Variants in AFF4 observed in about 807,000 individuals in gnomAD.
AFF4 encodes AF4/FMR2 family member 4.
A neutral mutation model predicts 124.8 loss-of-function variants in AFF4; 13 were observed. That is an observed-to-expected ratio of 0.10 (90% CI 0.07 to 0.17). The LOEUF (loss-of-function observed/expected upper bound fraction) is 0.17, where lower values mean the gene tolerates loss of function less well. Ranked by LOEUF, AFF4 falls within the 10% of genes least tolerant of loss-of-function variation. The pLI is 1.00. For synonymous variants in AFF4, 477 were observed against 496.1 expected (o/e 0.96, Z 0.51); for missense variants, 1,092 against 1,403.8 (o/e 0.78, Z 3.55).
intron 1 of AFF4, chr5:132,948,502 C>G (rs1170407828): frequency 6.5e-6 from 1 of 152,874 alleles, no homozygotes; most frequent in East Asian, 1.9e-4. Context: ...TTATCATGGC[C>G]TCACAGTGAC....
chr5:132,886,223 ATAAACATGAGGGCAG>A, intron 18 of AFF4, 72 bp downstream of exon 18: 1 of 1,170,594 alleles, frequency 8.5e-7, no homozygotes, highest in South Asian at 1.4e-5. Flanking sequence ...TGTGTTTTGC[ATAAACATGAGGGCAG>A]TTCTCAGATG....
intron 5 of AFF4, among the ~76,000 whole-genome samples, chr5:132,911,353 A>T (rs1227638180): frequency 1.3e-5 from 2 of 152,134 alleles, no homozygotes; most frequent in Non-Finnish European, 2.9e-5. Context: ...CATGCCAGGA[A>T]CATAGTAAGA....
At chr5:132,912,334 T>G (rs1355893207) in intron 5 of AFF4, among the ~76,000 whole-genome samples, 2 of 152,014 alleles carry the variant, frequency 1.3e-5, no homozygotes, top group Admixed American at 6.6e-5. Flanking sequence ...AGAGCAATAC[T>G]CTGTCTCAAA....
At chr5:132,898,476 T>C in intron 9 of AFF4, 84 bp from the exon 10 acceptor site, 2 of 1,401,972 alleles carry the variant, frequency 1.4e-6, no homozygotes, top group Non-Finnish European at 1.9e-6. Flanking sequence ...CCAACTTTCT[T>C]TTTTTCTTCT....
chr5:132,887,807 A>G, intron 16 of AFF4, 39 bp downstream of exon 16: 1 of 1,607,250 alleles, frequency 6.2e-7, no homozygotes, highest in South Asian at 1.1e-5. Flanking sequence ...CCAGAGAAAT[A>G]ATGTTATTGC....
chr5:132,911,566 A>G (rs1314353005), intron 5 of AFF4, among the ~76,000 whole-genome samples: 1 of 151,226 alleles, frequency 6.6e-6, no homozygotes, highest in Non-Finnish European at 1.5e-5. Context: ...AAAAAAAAAG[A>G]AAAAAAAAGA....
chr5:132,892,362 A>C lies in AFF4; in HGVS notation c.2439T>G (p.Pro813=). The C allele has an allele frequency of 6.2e-7, 1 of 1,613,962 alleles. No homozygotes were observed. Among genetic ancestry groups the C allele is most frequent in the Non-Finnish European group, 8.5e-7 (1 of 1,179,860 alleles). Residue 813 remains proline, a synonymous_variant, in exon 13 of 21, where the codon CCT becomes CCG. Transcript: ENST00000265343. ...QSAAKEKDLL[P]SPAGPVPSKD... ...TTGAAGGAACAGGCCCAGCGGGAGA[A>C]GGCAACAAATCCTTTTCTTTTGCAG...
chr5:132,939,078 G>C (rs1761505034), intron 1 of AFF4, among the ~76,000 whole-genome samples: 1 of 150,826 alleles, frequency 6.6e-6, no homozygotes, highest in Non-Finnish European at 1.5e-5. Context: ...AATTTAGCCA[G>C]GTGTGGTGGT....
At chr5:132,950,148 G>T (rs1196430460) in intron 1 of AFF4, among the ~76,000 whole-genome samples, 1 of 151,914 alleles carries the variant, frequency 6.6e-6, no homozygotes, top group African/African-American at 2.4e-5. Flanking sequence ...TGGCCAACAT[G>T]GTGAAACCCC....
At position 132,963,523 on chromosome 5, in the gene AFF4, G is replaced by A; in HGVS notation, c.-269C>T. On this transcript the variant is annotated 5_prime_UTR_variant, in exon 1 of 21. Transcript: ENST00000265343. ...TGACGGTCGGGCCCGGGCTGGGACA[G>A]CTGACTGAGGCGGCGGGGGCGGGTT... is the stretch of plus-strand genomic sequence containing the variant. The A allele has an allele frequency of 5.0e-6, 2 of 398,118 alleles. No individual in the cohort carries two copies. The highest frequency in any genetic ancestry group is 1.3e-4 in the South Asian group (1 of 7,864). 24.7% of individuals were successfully genotyped at this position (398,118 alleles called of 1,614,324 possible).
intron 1 of AFF4, among the ~76,000 whole-genome samples, chr5:132,939,132 A>T (rs538221094): frequency 6.6e-6 from 1 of 150,528 alleles, no homozygotes; most frequent in African/African-American, 2.4e-5. Flanking sequence ...CAAGAGAATC[A>T]CTTGAATCCA....
chr5:132,927,988 G>A (rs1204404248), intron 4 of AFF4, among the ~76,000 whole-genome samples: 1 of 152,170 alleles, frequency 6.6e-6, no homozygotes, highest in Non-Finnish European at 1.5e-5. Flanking sequence ...AGAATAAGGA[G>A]AGAGTATATT....
intron 5 of AFF4, 199 bp downstream of exon 5, chr5:132,926,922 T>C (rs1761186243): frequency 1.4e-5 from 7 of 502,092 alleles, no homozygotes; most frequent in South Asian, 1.4e-4. Flanking sequence ...TACCTCTTGA[T>C]CCAAGATGCT....
chr5:132,875,589 C>CT lies in AFF4; in HGVS notation c.*5469dup, dbSNP rs1256897171. The CT allele has an allele frequency of 5.2e-6, 1 of 193,524 alleles. No homozygotes were observed. The highest frequency in any genetic ancestry group is 6.1e-5 in the Admixed American group (1 of 16,358). 12.0% of individuals were successfully genotyped at this position (193,524 alleles called of 1,614,324 possible). ...ACACATTAAACGCATGTTTGACACT[C>CT]TAAACTTTCTATACTCTCAATACCA... On this transcript the variant is annotated 3_prime_UTR_variant, in exon 21 of 21. Transcript: ENST00000265343.
rs34458324 is a variant in AFF4 at position 132,915,568 on chromosome 5, GTTT to G, written c.1051-11167_1051-11165del. 1.9e-3 allele frequency among the ~76,000 whole-genome samples: 236 copies of G among 122,994 alleles called. 3 individuals carry two copies. In the East Asian group the frequency reaches 0.042, roughly 22 times the overall value. 80.7% of individuals were successfully genotyped at this position (122,994 alleles called of 152,430 possible). A position where few individuals can be genotyped will look rare whatever the true frequency, so the allele number is the denominator to read the frequency against. ...ACTTTGACCCACTTCTTTTTTTTGGGTTTTTTTTTTTTTTTTTGAGATGGAGTC... is the reference window on the plus strand; with the variant it reads ...ACTTTGACCCACTTCTTTTTTTTGGGTTTTTTTTTTTTTTGAGATGGAGTC... On this transcript the variant is annotated intron_variant, in intron 5 of 20. Coordinates refer to ENST00000265343, the MANE Select transcript of AFF4 (RefSeq NM_014423.4).
chr5:132,949,755 G>A (rs1023143539), intron 1 of AFF4, among the ~76,000 whole-genome samples: 9 of 151,480 alleles, frequency 5.9e-5, no homozygotes, highest in Non-Finnish European at 7.4e-5. Context: ...CCGGCTACTC[G>A]GGAGGCTGAG....
intron 1 of AFF4, among the ~76,000 whole-genome samples, chr5:132,956,326 G>A (rs191946621): frequency 1.9e-4 from 29 of 152,216 alleles, no homozygotes; most frequent in Admixed American, 1.7e-3. Flanking sequence ...CTTTATTTAT[G>A]GACATTGAAA....
At chr5:132,953,325 C>CA (rs1761885702) in intron 1 of AFF4, among the ~76,000 whole-genome samples, 1 of 152,080 alleles carries the variant, frequency 6.6e-6, no homozygotes, top group Admixed American at 6.6e-5. Flanking sequence ...ACTGTAACCT[C>CA]AAACTCCTTA....
At chr5:132,923,413 AGGAG>A in intron 5 of AFF4, among the ~76,000 whole-genome samples, 1 of 151,732 alleles carries the variant, frequency 6.6e-6, no homozygotes, top group Middle Eastern at 3.4e-3. Flanking sequence ...CAAGGAAGGA[AGGAG>A]GGAGGGAGTC....
Sources: gnomAD v4.1 joint callset for allele counts (sites outside exome capture counted in the v4.1 genomes callset) on GRCh38, gnomAD v4.1.1 for gene constraint, MANE v1.5 for transcripts, NCBI Gene and HGNC (gene_info 2026-07-23, HGNC 2026-07-21) for gene names.